XKR6: variants seen among roughly 807,000 people sequenced by gnomAD.
XKR6 encodes the protein XK related 6, also known as XK-related protein 6.
XKR6 carries 22 observed loss-of-function variants against 56.7 expected under a neutral mutation model. The observed-to-expected ratio is 0.39, with a 90% CI of 0.28 to 0.55. The LOEUF (loss-of-function observed/expected upper bound fraction) is 0.55, where lower values mean the gene tolerates loss of function less well. XKR6 is among the 20% of genes least tolerant of loss of function. XKR6 has a pLI of 0.66. For missense variants in XKR6, 852 were observed against 889.0 expected (o/e 0.96, Z 0.53); for synonymous variants, 524 against 387.8 (o/e 1.35, Z -4.13).
Position 11,017,830 on chromosome 8 carries a change from A to C in XKR6, c.765-93000T>G, listed in dbSNP as rs114597620. Among the ~76,000 whole-genome samples, 486 of 152,292 alleles carry C rather than the reference A, an allele frequency of 3.2e-3. 6 individuals carry two copies. The highest frequency in any genetic ancestry group is 0.011 in the African/African-American group (460 of 41,558). ...AGGGCCTGGTTCCTCCTGGGCCAGG[A>C]AGCAGTTTTGTGGGGCTGGATCCCC... On this transcript the variant is annotated intron_variant, in intron 1 of 2. Transcript: ENST00000416569.
At chr8:11,077,793 C>A (rs1309973774) in intron 1 of XKR6, among the ~76,000 whole-genome samples, 2 of 152,178 alleles carry the variant, frequency 1.3e-5, no homozygotes, top group Admixed American at 1.3e-4. Flanking sequence ...GGCAACCGCT[C>A]CAATCTGTGT....
chr8:10,984,757 T>TATATATATATATATA (rs1554519601), intron 1 of XKR6, among the ~76,000 whole-genome samples: 75 of 139,780 alleles, frequency 5.4e-4, no homozygotes, highest in South Asian at 1.1e-3. Context: ...TATATATATA[T>TATATATATATATATA]TTGAAGAAAT....
intron 1 of XKR6, among the ~76,000 whole-genome samples, chr8:11,096,377 G>C (rs914528983): frequency 2.6e-5 from 4 of 152,300 alleles, no homozygotes; most frequent in East Asian, 1.9e-4. Context: ...CATTCAAATA[G>C]TTTTACACGG....
intron 1 of XKR6, among the ~76,000 whole-genome samples, chr8:11,188,122 C>G (rs562887486): frequency 6.6e-6 from 1 of 152,018 alleles, no homozygotes; most frequent in African/African-American, 2.4e-5. Flanking sequence ...TAGGTATGAG[C>G]CCATCGCTAA....
intron 1 of XKR6, among the ~76,000 whole-genome samples, chr8:11,085,070 C>T (rs1797842008): frequency 6.6e-6 from 1 of 152,130 alleles, no homozygotes; most frequent in Non-Finnish European, 1.5e-5. Flanking sequence ...TTCCTTCGTC[C>T]CCTTGGCTTC....
At chr8:11,192,336 T>G (rs1803628124) in intron 1 of XKR6, among the ~76,000 whole-genome samples, 1 of 152,082 alleles carries the variant, frequency 6.6e-6, no homozygotes, top group South Asian at 2.1e-4. Context: ...TTTTTGTATT[T>G]TTAATAGAGA....
At chr8:10,969,966 G>C (rs1177887715) in intron 1 of XKR6, among the ~76,000 whole-genome samples, 1 of 152,224 alleles carries the variant, frequency 6.6e-6, no homozygotes, top group Non-Finnish European at 1.5e-5. Context: ...GAAACCCCAT[G>C]CTGACCCCAG....
chr8:11,081,457 AGTGTGTTTCAAAT>A (rs1475761798), intron 1 of XKR6, among the ~76,000 whole-genome samples: 1 of 152,244 alleles, frequency 6.6e-6, no homozygotes, highest in African/African-American at 2.4e-5. Flanking sequence ...TATTTGGCCC[AGTGTGTTTCAAAT>A]GTGATTTGAT....
chr8:10,970,821 A>AC (rs1319497470), intron 1 of XKR6, among the ~76,000 whole-genome samples: 142 of 151,768 alleles, frequency 9.4e-4, no homozygotes, highest in Middle Eastern at 3.4e-3. Flanking sequence ...AAAAAAAAAA[A>AC]ACCTCTGTAT....
intron 1 of XKR6, among the ~76,000 whole-genome samples, chr8:11,190,204 A>AAAGAAAAGAAAG (rs746304600): frequency 8.3e-6 from 1 of 120,924 alleles, no homozygotes; most frequent in African/African-American, 3.7e-5. Context: ...AGAAAGAAAG[A>AAAGAAAAGAAAG]AAAGAAAGAA....
chr8:11,187,276 T>G (rs1319068328), intron 1 of XKR6, among the ~76,000 whole-genome samples: 2 of 152,226 alleles, frequency 1.3e-5, no homozygotes. Context: ...AGTTCTTTAT[T>G]GTAGACAAGG....
At chr8:10,991,393 T>G (rs1306179733) in intron 1 of XKR6, among the ~76,000 whole-genome samples, 2 of 152,206 alleles carry the variant, frequency 1.3e-5, no homozygotes, top group African/African-American at 4.8e-5. Context: ...GGATTCCAGT[T>G]AGCTCTTCCT....
intron 1 of XKR6, among the ~76,000 whole-genome samples, chr8:11,163,919 A>G (rs1039441069): frequency 6.6e-6 from 1 of 152,094 alleles, no homozygotes; most frequent in Non-Finnish European, 1.5e-5. Flanking sequence ...AAATACATGC[A>G]GGCCAAAAGT....
In XKR6 at chr8:10,898,534, T is replaced by C. The variant is rs1201390785; in HGVS notation, c.1344A>G (p.Ile448Met). 6.2e-7 allele frequency: 1 copy of C among 1,614,024 alleles called. No individual in the cohort carries two copies. Among genetic ancestry groups the C allele is most frequent in the African/African-American group, 1.3e-5 (1 of 74,932 alleles). Residue 448 changes from isoleucine to methionine, a missense_variant, in exon 3 of 3, where the codon ATA becomes ATG. Ile to Met is a conservative substitution (Grantham distance 10). This residue lies in a region of XKR6 where 197 missense variants were observed against 190.9 expected (regional missense o/e 1.03). Transcript: ENST00000416569. This position sits in a 1 kb window ranked among gnomAD's most constrained non-coding sequence, Gnocchi z 6.6. Reference sequence around the variant, plus strand: ...TCAAGGCAGCATTCTCGGTCAAGACTATCGTATAATATGCAAACATTCGAT... The same window carrying C: ...TCAAGGCAGCATTCTCGGTCAAGACCATCGTATAATATGCAAACATTCGAT... The part of the protein sequence containing the change: ...TRYRMFAYYT[I>M]VLTENAALTF...
At chr8:11,158,682 T>C (rs993852709) in intron 1 of XKR6, among the ~76,000 whole-genome samples, 9 of 152,198 alleles carry the variant, frequency 5.9e-5, no homozygotes, top group Non-Finnish European at 1.0e-4. Flanking sequence ...CTCAATTCTA[T>C]TTATACAATC....
chr8:11,059,574 C>T (rs1309804421), intron 1 of XKR6, among the ~76,000 whole-genome samples: 2 of 151,868 alleles, frequency 1.3e-5, no homozygotes, highest in African/African-American at 2.4e-5. Context: ...GGCTCCTCTT[C>T]CAGGCGCGCG....
chr8:11,058,139 C>T (rs1305775323), intron 1 of XKR6, among the ~76,000 whole-genome samples: 1 of 152,176 alleles, frequency 6.6e-6, no homozygotes, highest in Non-Finnish European at 1.5e-5. Context: ...CCCAGCGTGA[C>T]CCATGTGGGA....
At chr8:10,926,527 TACTG>T (rs1379293064) in intron 1 of XKR6, among the ~76,000 whole-genome samples, 3 of 152,156 alleles carry the variant, frequency 2.0e-5, no homozygotes, top group African/African-American at 7.2e-5. Flanking sequence ...GATGCAATCT[TACTG>T]ACAACCAGAG....
At position 11,200,875 on chromosome 8, in the gene XKR6, G is replaced by A. The variant is rs998992537; in HGVS notation, c.465C>T (p.Arg155=). The A allele has an allele frequency of 4.3e-6, 7 of 1,611,642 alleles. No individual in the cohort carries two copies. Among genetic ancestry groups the A allele is most frequent in the East Asian group, 2.2e-5 (1 of 44,780 alleles). The change falls in exon 1 of 3, where the codon CGC becomes CGT. Residue 155 remains arginine (R), a synonymous_variant. Coordinates refer to ENST00000416569, the MANE Select transcript of XKR6 (RefSeq NM_173683.4). The surrounding 1 kb of genome is among the most constrained non-coding windows in gnomAD (Gnocchi z 6.4). ...TDLWLALDYY[R]KGDYVYFGLT... ...GCCCGAAGTAGACGTAGTCCCCCTT[G>A]CGGTAGTAGTCGAGGGCCAGCCACA...
Sources: gnomAD v4.1 joint callset for allele counts (sites outside exome capture counted in the v4.1 genomes callset) on GRCh38, gnomAD v4.1.1 for gene constraint, gnomAD v4.1.1 regional missense constraint, Gnocchi (gnomAD v3.1) non-coding constraint, MANE v1.5 for transcripts, NCBI Gene and HGNC (gene_info 2026-07-23, HGNC 2026-07-21) for gene names.